The following NXN variants were observed in gnomAD, a reference collection of about 807,000 sequenced individuals.
NXN encodes the protein nucleoredoxin 1.
NXN carries 16 observed loss-of-function variants against 48.6 expected under a neutral mutation model. That is an observed-to-expected ratio of 0.33 (90% CI 0.22 to 0.50). NXN has a LOEUF of 0.50. Among genes scored for constraint, NXN ranks in the 20% least tolerant of loss-of-function variants. NXN has a pLI of 0.98. For synonymous variants in NXN, 281 were observed against 269.6 expected (o/e 1.04, Z -0.41); for missense variants, 492 against 605.5 (o/e 0.81, Z 1.97).
At chr17:955,763 G>A (rs181603949) in intron 1 of NXN, among the ~76,000 whole-genome samples, 5,027 of 152,086 alleles carry the variant, frequency 0.033, 116 homozygotes, top group Admixed American at 0.054. Flanking sequence ...TTAGCCGGGC[G>A]TGGTGGCGGG....
chr17:812,791 G>C lies in NXN; in HGVS notation c.820+6648C>G, dbSNP rs968139041. Among the ~76,000 whole-genome samples the C allele has an allele frequency of 2.7e-5, 4 of 147,406 alleles. No individual in the cohort carries two copies. In the Admixed American group the frequency reaches 2.7e-4, roughly 10 times the overall value. The stretch of plus-strand genomic sequence containing the variant: ...GAGTGTAGGTGTGTGCATGTGTGTA[G>C]GTGTGTGTGCGTGAGTGTAGGTGTG... On this transcript the variant is annotated intron_variant, in intron 5 of 7. Coordinates refer to ENST00000336868, the MANE Select transcript of NXN (RefSeq NM_022463.5).
At position 979,700 on chromosome 17, in the gene NXN, C is replaced by G; in HGVS notation, c.-22G>C. On this transcript the variant is annotated 5_prime_UTR_variant, in exon 1 of 8. Coordinates refer to ENST00000336868, the MANE Select transcript of NXN (RefSeq NM_022463.5). ...ACATCCTGGCCCACCGCAGGGCGGGCAGGCGGCTGCGACCCCGCTCCACGG... is the reference window on the plus strand; with the variant it reads ...ACATCCTGGCCCACCGCAGGGCGGGGAGGCGGCTGCGACCCCGCTCCACGG... 1 of 1,386,044 alleles carries G rather than the reference C, an allele frequency of 7.2e-7. No homozygotes were observed. Among genetic ancestry groups the G allele is most frequent in the Non-Finnish European group, 9.4e-7 (1 of 1,068,194 alleles). The allele number at this position is 1,386,044 out of a possible 1,614,324, so 85.9% of individuals were successfully genotyped here.
intron 1 of NXN, among the ~76,000 whole-genome samples, chr17:840,542 T>C (rs990760273): frequency 1.4e-4 from 22 of 152,256 alleles, no homozygotes; most frequent in African/African-American, 4.6e-4. Context: ...GGTTTCACCA[T>C]GTTAGCCAGG....
chr17:909,126 A>AAAAAAC, intron 1 of NXN, among the ~76,000 whole-genome samples: 1 of 141,980 alleles, frequency 7.0e-6, no homozygotes, highest in South Asian at 2.2e-4. Flanking sequence ...AAAAAAAAAA[A>AAAAAAC]ACACTCCCTG....
chr17:906,670 G>A (rs1258302817), intron 1 of NXN, among the ~76,000 whole-genome samples: 1 of 151,144 alleles, frequency 6.6e-6, no homozygotes, highest in African/African-American at 2.4e-5. Flanking sequence ...GGGTTCAAGT[G>A]ATTCTCCTGC....
chr17:834,985 C>T (rs898701293), intron 1 of NXN, among the ~76,000 whole-genome samples: 2 of 151,748 alleles, frequency 1.3e-5, no homozygotes, highest in African/African-American at 4.8e-5. Flanking sequence ...TCTACCACAG[C>T]CACCCAAAGG....
At chr17:963,336 C>T (rs992041071) in intron 1 of NXN, among the ~76,000 whole-genome samples, 3 of 152,094 alleles carry the variant, frequency 2.0e-5, no homozygotes, top group Admixed American at 6.6e-5. Flanking sequence ...GGCGCAGTGG[C>T]TCACGTATGT....
At chr17:880,925 T>C (rs1286422553) in intron 1 of NXN, among the ~76,000 whole-genome samples, 17 of 152,128 alleles carry the variant, frequency 1.1e-4, no homozygotes, top group Non-Finnish European at 1.5e-5. Context: ...GGGCCAGGGC[T>C]CCAAGGGGCT....
intron 1 of NXN, among the ~76,000 whole-genome samples, chr17:838,108 C>G (rs1158217294): frequency 6.7e-6 from 1 of 148,244 alleles, no homozygotes; most frequent in Non-Finnish European, 1.5e-5. Flanking sequence ...TCTCAGAACA[C>G]TGAATTTTCC....
chr17:945,440 T>TG (rs2069031696), intron 1 of NXN, among the ~76,000 whole-genome samples: 1 of 150,168 alleles, frequency 6.7e-6, no homozygotes, highest in Admixed American at 6.7e-5. Context: ...CCATCCTGGC[T>TG]AACATGGTGA....
intron 1 of NXN, among the ~76,000 whole-genome samples, chr17:853,702 C>CACATAT (rs1269027449): frequency 1.8e-4 from 22 of 119,300 alleles, no homozygotes; most frequent in Non-Finnish European, 3.6e-4. Context: ...CTGTTATACA[C>CACATAT]ATATATATAT....
At chr17:856,514 T>A (rs558450885) in intron 1 of NXN, among the ~76,000 whole-genome samples, 4,478 of 145,178 alleles carry the variant, frequency 0.031, 82 homozygotes, top group Non-Finnish European at 0.043. Flanking sequence ...TTTTTGAGAC[T>A]GAGTCTTGCT....
At chr17:927,580 CAAAAAAA>C (rs71371593) in intron 1 of NXN, among the ~76,000 whole-genome samples, 8 of 117,624 alleles carry the variant, frequency 6.8e-5, no homozygotes, top group East Asian at 2.6e-4. Flanking sequence ...AACCTTGTCT[CAAAAAAA>C]AAAAAAAAAA....
chr17:959,244 GC>G, intron 1 of NXN: 2 of 841,690 alleles, frequency 2.4e-6, no homozygotes, highest in Admixed American at 3.3e-5. Context: ...CCAGCTCCCA[GC>G]CCCTCCAAAG....
chr17:849,760 A>G lies in NXN; in HGVS notation c.361-23682T>C, dbSNP rs1396962229. Among the ~76,000 whole-genome samples the G allele has an allele frequency of 5.9e-5, 9 of 152,182 alleles. No individual in the cohort carries two copies. The highest frequency in any genetic ancestry group is 1.0e-4 in the Non-Finnish European group (7 of 68,036). ...TGAAGAGCTGACAGTGGAGGTGAGA[A>G]CCATAAACTCACGTCAAGGGCAGGC... On this transcript the variant is annotated intron_variant, in intron 1 of 7. Coordinates refer to ENST00000336868, the MANE Select transcript of NXN (RefSeq NM_022463.5). This position sits in a 1 kb window ranked among gnomAD's most constrained non-coding sequence, Gnocchi z 4.2.
chr17:935,857 T>C (rs2068902364), intron 1 of NXN, among the ~76,000 whole-genome samples: 1 of 151,518 alleles, frequency 6.6e-6, no homozygotes, highest in Admixed American at 6.6e-5. Context: ...CTTTGGGAGG[T>C]GGAGGCAGGT....
intron 1 of NXN, among the ~76,000 whole-genome samples, chr17:895,783 A>C (rs1329766455): frequency 4.7e-4 from 3 of 6,324 alleles, no homozygotes; most frequent in South Asian, 0.014. Flanking sequence ...GCACCACTGC[A>C]CTCCAGCCTG....
chr17:831,016 AC>A (rs369899467), intron 1 of NXN, among the ~76,000 whole-genome samples: 2 of 151,226 alleles, frequency 1.3e-5, no homozygotes, highest in Non-Finnish European at 2.9e-5. Context: ...AAAAAAAAAA[AC>A]ATGCTCTAAC....
chr17:899,526 G>A (rs1012193629), intron 1 of NXN, among the ~76,000 whole-genome samples: 9 of 152,134 alleles, frequency 5.9e-5, no homozygotes, highest in African/African-American at 1.2e-4. Flanking sequence ...TCTCTTTCCC[G>A]CAAGGAGATT....
Sources: gnomAD v4.1 joint callset for allele counts (sites outside exome capture counted in the v4.1 genomes callset) on GRCh38, gnomAD v4.1.1 for gene constraint, Gnocchi (gnomAD v3.1) non-coding constraint, MANE v1.5 for transcripts, NCBI Gene and HGNC (gene_info 2026-07-23, HGNC 2026-07-21) for gene names.